Variants in MYO3B observed in about 807,000 individuals in gnomAD.
MYO3B encodes myosin IIIB.
In MYO3B, 156 loss-of-function variants were observed where a neutral mutation model predicts 174.6. The ratio of observed to expected loss-of-function variants is 0.89; its 90% confidence interval spans 0.78 to 1.02. The LOEUF (loss-of-function observed/expected upper bound fraction) is 1.02. Among genes scored for constraint, MYO3B ranks in the 50% least tolerant of loss-of-function variants. The pLI is 0.00. For missense variants in MYO3B, 1,632 were observed against 1,639.4 expected, an observed-to-expected ratio of 1.00 and a Z score of 0.08; for synonymous variants, 563 against 569.1, an observed-to-expected ratio of 0.99 and a Z score of 0.15.
rs370243752 is a variant in MYO3B at position 170,402,633 on chromosome 2, GA to G, written c.2130-205del. Among the ~76,000 whole-genome samples, 8 of 146,838 alleles carry G rather than the reference GA, an allele frequency of 5.4e-5. 1 individual carries two copies. Among genetic ancestry groups the G allele is most frequent in the South Asian group, 4.3e-4 (2 of 4,656 alleles). ...AAGATTTTAAAGGATTCTACTGCTTGAAAAAAAAAAGAAGTTGAAAATACTA... is the reference window on the plus strand; with the variant it reads ...AAGATTTTAAAGGATTCTACTGCTTGAAAAAAAAAGAAGTTGAAAATACTA... On this transcript the variant is annotated intron_variant, in intron 18 of 34. Transcript: ENST00000408978.
At chr2:170,465,989 T>C (rs956985607) in intron 24 of MYO3B, among the ~76,000 whole-genome samples, 2 of 152,166 alleles carry the variant, frequency 1.3e-5, no homozygotes, top group African/African-American at 2.4e-5. Context: ...TGTTAGTTGA[T>C]AGTCACCACA....
intron 9 of MYO3B, among the ~76,000 whole-genome samples, chr2:170,380,307 A>G (rs972462525): frequency 6.6e-6 from 1 of 152,088 alleles, no homozygotes; most frequent in East Asian, 1.9e-4. Flanking sequence ...GTTGATTCCA[A>G]ATGTTAACAA....
intron 23 of MYO3B, among the ~76,000 whole-genome samples, chr2:170,459,808 AT>A (rs1479486914): frequency 6.6e-6 from 1 of 152,094 alleles, no homozygotes; most frequent in Non-Finnish European, 1.5e-5. Context: ...CCTGGCGAGA[AT>A]TTGAGCGTGG....
At chr2:170,373,935 G>A (rs2094268307) in intron 9 of MYO3B, among the ~76,000 whole-genome samples, 1 of 152,148 alleles carries the variant, frequency 6.6e-6, no homozygotes. Flanking sequence ...ATGATAAAGG[G>A]TCAGTTAAAG....
intron 1 of MYO3B, among the ~76,000 whole-genome samples, chr2:170,188,071 G>A (rs2092489518): frequency 6.6e-6 from 1 of 152,122 alleles, no homozygotes; most frequent in Non-Finnish European, 1.5e-5. Context: ...AGGTGTTGAA[G>A]TCTCTAGCTA....
chr2:170,202,004 C>A (rs2092667164), intron 3 of MYO3B, among the ~76,000 whole-genome samples: 1 of 152,172 alleles, frequency 6.6e-6, no homozygotes, highest in Non-Finnish European at 1.5e-5. Context: ...CTCCATGCAA[C>A]CAGGCAGGCA....
chr2:170,334,531 G>A (rs892390419), intron 7 of MYO3B: 2 of 152,112 alleles, frequency 1.3e-5, no homozygotes, highest in African/African-American at 4.8e-5. Flanking sequence ...TAATTCATGT[G>A]TGCAGAACTG....
At position 170,516,642 on chromosome 2, in the gene MYO3B, CAAAA is replaced by C. The variant is rs35780085; in HGVS notation, c.3472+1635_3472+1638del. On this transcript the variant is annotated intron_variant, in intron 29 of 34. Coordinates refer to ENST00000408978, the MANE Select transcript of MYO3B (RefSeq NM_138995.5). ...TGGGCAACAGAGCCAGACTCCGTCT[CAAAA>C]AAAAAAAAAAAAAATGTGAATGGCT... is the stretch of plus-strand genomic sequence containing the variant. 8.5e-3 allele frequency among the ~76,000 whole-genome samples: 922 copies of C among 108,214 alleles called. 6 individuals carry two copies. The highest frequency in any genetic ancestry group is 0.013 in the Non-Finnish European group (635 of 49,616). 71.0% of individuals were successfully genotyped at this position (108,214 alleles called of 152,430 possible).
At position 170,651,624 on chromosome 2, in the gene MYO3B, T is replaced by C; in HGVS notation, c.3734-4T>C. The C allele has an allele frequency of 1.2e-6, 2 of 1,614,012 alleles. No homozygotes were observed. The highest frequency in any genetic ancestry group is 1.7e-6 in the Non-Finnish European group (2 of 1,179,922). On this transcript the variant is annotated splice_polypyrimidine_tract_variant and splice_region_variant and intron_variant, in intron 32 of 34. Transcript: ENST00000408978. Reference sequence around the variant, plus strand: ...TTTACAGCAAAGTTTTGCTCTTTTTTCAGGTTCAGAAAATGGTCTTGCACA... The same window carrying C: ...TTTACAGCAAAGTTTTGCTCTTTTTCCAGGTTCAGAAAATGGTCTTGCACA...
At chr2:170,214,926 C>T in intron 5 of MYO3B, 98 bp downstream of exon 5, 1 of 906,558 alleles carries the variant, frequency 1.1e-6, no homozygotes, top group Non-Finnish European at 1.8e-6. Flanking sequence ...TCTGCTACAC[C>T]ATAGGCTGAG....
intron 30 of MYO3B, among the ~76,000 whole-genome samples, chr2:170,537,463 T>C (rs1158772711): frequency 8.3e-5 from 7 of 84,274 alleles, no homozygotes; most frequent in African/African-American, 2.9e-4. Context: ...TTTTTTTTTT[T>C]TTTTTTTTTT....
chr2:170,546,006 T>G (rs1221382914), intron 32 of MYO3B, among the ~76,000 whole-genome samples: 1 of 152,192 alleles, frequency 6.6e-6, no homozygotes, highest in Non-Finnish European at 1.5e-5. Flanking sequence ...TAACTTCCAC[T>G]GCTCTCTCTT....
intron 32 of MYO3B, among the ~76,000 whole-genome samples, chr2:170,620,844 G>C (rs1695850857): frequency 6.6e-6 from 1 of 152,158 alleles, no homozygotes; most frequent in Non-Finnish European, 1.5e-5. Flanking sequence ...CCTCTGCATT[G>C]GAGAAAGACA....
At chr2:170,572,854 A>T (rs1229468052) in intron 32 of MYO3B, among the ~76,000 whole-genome samples, 1 of 152,184 alleles carries the variant, frequency 6.6e-6, no homozygotes, top group Non-Finnish European at 1.5e-5. Flanking sequence ...CTGGTTTCTC[A>T]CTTATTCCAG....
intron 32 of MYO3B, among the ~76,000 whole-genome samples, chr2:170,627,179 C>G (rs1696518808): frequency 1.3e-5 from 2 of 152,214 alleles, no homozygotes; most frequent in Non-Finnish European, 2.9e-5. Context: ...CCCATCACTT[C>G]AGGTACACCA....
Position 170,241,139 on chromosome 2 carries a change from T to TC in MYO3B, c.749+5003_749+5004insC, listed in dbSNP as rs575085622. ...TCCCTTTTATTTATTTGTTTTTTTT[T>TC]TTAGTAGGAAAAGCTCATTCTTGGT... On this transcript the variant is annotated intron_variant, in intron 7 of 34. Coordinates refer to ENST00000408978, the MANE Select transcript of MYO3B (RefSeq NM_138995.5). Among the ~76,000 whole-genome samples the TC allele has an allele frequency of 2.8e-3, 425 of 151,946 alleles. 2 individuals are homozygous for TC. Among genetic ancestry groups the TC allele is most frequent in the South Asian group, 0.011 (51 of 4,818 alleles).
intron 25 of MYO3B, among the ~76,000 whole-genome samples, chr2:170,472,601 G>C (rs554183790): frequency 1.3e-5 from 2 of 152,230 alleles, no homozygotes; most frequent in East Asian, 3.9e-4. Flanking sequence ...CTACATTGTA[G>C]AGCAATTATC....
rs369658012 is a variant in MYO3B, at chr2:170,532,598, G to A, written c.3576-10308G>A. Among the ~76,000 whole-genome samples the A allele has an allele frequency of 7.6e-4, 116 of 151,956 alleles. 1 individual carries two copies. The highest frequency in any genetic ancestry group is 2.7e-3 in the African/African-American group (110 of 41,456). ...GAGGCCAAGGTGGGCGGATCACCTG[G>A]GGTCAGGAGTTCGAGACCAGCCTGA... On this transcript the variant is annotated intron_variant, in intron 30 of 34. Transcript: ENST00000408978.
chr2:170,212,581 G>A lies in MYO3B; in HGVS notation c.322-1798G>A, dbSNP rs559254221. Among the ~76,000 whole-genome samples the A allele has an allele frequency of 2.0e-5, 3 of 152,254 alleles. No individual in the cohort carries two copies. In the East Asian group the frequency reaches 5.8e-4, roughly 29 times the overall value. ...GGGTTTTTGTCACTTGACCAGGAAA[G>A]ATTAGATTGGTAGACACATAAAAGG... is the stretch of plus-strand genomic sequence containing the variant. On this transcript the variant is annotated intron_variant, in intron 3 of 34. Coordinates refer to ENST00000408978, the MANE Select transcript of MYO3B (RefSeq NM_138995.5).
Sources: allele counts gnomAD v4.1 joint callset (sites outside exome capture counted in the v4.1 genomes callset), GRCh38; gene constraint gnomAD v4.1.1; transcripts MANE v1.5; gene names NCBI Gene and HGNC (gene_info 2026-07-23, HGNC 2026-07-21).